The following CDH13 variants were observed in gnomAD, a reference collection of about 807,000 sequenced individuals.
CDH13 encodes cadherin-13.
A neutral mutation model predicts 63.8 loss-of-function variants in CDH13; 24 were observed. That is an observed-to-expected ratio of 0.38 (90% CI 0.27 to 0.53). CDH13 has a LOEUF of 0.53. CDH13 is among the 20% of genes least tolerant of loss of function. CDH13 has a pLI of 0.85. For synonymous variants in CDH13, 503 were observed against 355.3 expected, an observed-to-expected ratio of 1.42 and a Z score of -4.67; for missense variants, 1,049 against 903.1, an observed-to-expected ratio of 1.16 and a Z score of -2.07.
chr16:83,564,559 C>T (rs1391923819), intron 7 of CDH13, among the ~76,000 whole-genome samples: 1 of 152,076 alleles, frequency 6.6e-6, no homozygotes, highest in Non-Finnish European at 1.5e-5. Context: ...CAGGCATCTG[C>T]CACCACACCC....
At chr16:83,060,842 C>T (rs1474703289) in intron 3 of CDH13, among the ~76,000 whole-genome samples, 4 of 152,214 alleles carry the variant, frequency 2.6e-5, no homozygotes, top group African/African-American at 9.6e-5. Context: ...TTGCCTTCCA[C>T]TGCCTTCCAC....
At chr16:83,268,957 T>G (rs1225902529) in intron 5 of CDH13, among the ~76,000 whole-genome samples, 1 of 151,884 alleles carries the variant, frequency 6.6e-6, no homozygotes, top group Non-Finnish European at 1.5e-5. Context: ...ATGGGAGGCT[T>G]GTCAAAGAAG....
At chr16:82,859,591 T>G (rs1341969517) in intron 2 of CDH13, 2 of 150,930 alleles carry the variant, frequency 1.3e-5, no homozygotes, top group African/African-American at 4.9e-5. Context: ...AAGAAGAAAA[T>G]TAAAATAAGC....
intron 4 of CDH13, among the ~76,000 whole-genome samples, chr16:83,205,289 C>T (rs1035922733): frequency 6.6e-6 from 1 of 152,140 alleles, no homozygotes; most frequent in African/African-American, 2.4e-5. Flanking sequence ...CTTACAAATA[C>T]CTAGTTATTC....
At chr16:83,360,412 G>C (rs1347486780) in intron 6 of CDH13, among the ~76,000 whole-genome samples, 1 of 151,922 alleles carries the variant, frequency 6.6e-6, no homozygotes, top group African/African-American at 2.4e-5. Flanking sequence ...TACAATTTTA[G>C]TTGGTTTGAT....
Position 82,836,927 on chromosome 16 carries a change from A to C in CDH13, c.46-21435A>C, listed in dbSNP as rs544315651. On this transcript the variant is annotated intron_variant, in intron 1 of 13. Coordinates refer to ENST00000567109, the MANE Select transcript of CDH13 (RefSeq NM_001257.5). ...TTTAAAGGGATATTTATCACCCTTGAAGAATCTTATTGCCAAATCTTAATA... is the reference window on the plus strand; with the variant it reads ...TTTAAAGGGATATTTATCACCCTTGCAGAATCTTATTGCCAAATCTTAATA... Among the ~76,000 whole-genome samples the C allele has an allele frequency of 7.2e-5, 11 of 152,362 alleles. 1 individual carries two copies. The South Asian group carries it at 2.3e-3, about 32-fold the overall frequency.
At chr16:82,964,811 C>T (rs1343962645) in intron 2 of CDH13, among the ~76,000 whole-genome samples, 2 of 152,340 alleles carry the variant, frequency 1.3e-5, no homozygotes, top group East Asian at 3.9e-4. Flanking sequence ...GAATCCAGTC[C>T]TGTCGAAATG....
intron 2 of CDH13, among the ~76,000 whole-genome samples, chr16:83,023,380 T>A (rs34886182): frequency 0.17 from 26,479 of 151,910 alleles, 2,567 homozygotes; most frequent in East Asian, 0.3. Context: ...TTCCAATAAA[T>A]CTCCATGTAC....
chr16:83,491,879 G>T (rs1273654998), intron 7 of CDH13, among the ~76,000 whole-genome samples: 1 of 152,134 alleles, frequency 6.6e-6, no homozygotes, highest in Admixed American at 6.5e-5. Flanking sequence ...TTTTAGGCCA[G>T]ATGTAAAAAT....
intron 2 of CDH13, among the ~76,000 whole-genome samples, chr16:82,970,382 CTTTTTTTTT>C (rs558393653): frequency 2.6e-5 from 2 of 76,750 alleles, no homozygotes; most frequent in Admixed American, 2.7e-4. Context: ...AGTGCATATT[CTTTTTTTTT>C]TTTTTTTTTT....
At chr16:83,646,552 A>T (rs1301219031) in intron 8 of CDH13, among the ~76,000 whole-genome samples, 1 of 151,980 alleles carries the variant, frequency 6.6e-6, no homozygotes, top group African/African-American at 2.4e-5. Flanking sequence ...AATGTAAAAC[A>T]TTAGCTGGGC....
At chr16:82,924,240 A>T (rs1269085322) in intron 2 of CDH13, among the ~76,000 whole-genome samples, 2 of 152,084 alleles carry the variant, frequency 1.3e-5, no homozygotes, top group African/African-American at 4.8e-5. Flanking sequence ...AAAGGACTCC[A>T]TGTCTATGTG....
At chr16:83,675,279 G>A (rs2150865601) in intron 9 of CDH13, among the ~76,000 whole-genome samples, 1 of 152,258 alleles carries the variant, frequency 6.6e-6, no homozygotes, top group African/African-American at 2.4e-5. Context: ...AGCTCCAGGT[G>A]GTCTGGCCCT....
intron 11 of CDH13, among the ~76,000 whole-genome samples, chr16:83,755,764 A>G (rs1913458538): frequency 6.7e-6 from 1 of 149,378 alleles, no homozygotes; most frequent in Non-Finnish European, 1.5e-5. Flanking sequence ...AAAAAAAAAA[A>G]TGGAATTGTA....
At chr16:82,912,929 C>A (rs566359721) in intron 2 of CDH13, among the ~76,000 whole-genome samples, 1 of 145,814 alleles carries the variant, frequency 6.9e-6, no homozygotes, top group Non-Finnish European at 1.5e-5. Flanking sequence ...GGTGACAGAG[C>A]GAGACTGTGA....
At chr16:83,461,938 G>T (rs754378218) in intron 6 of CDH13, among the ~76,000 whole-genome samples, 2 of 152,252 alleles carry the variant, frequency 1.3e-5, no homozygotes, top group Non-Finnish European at 2.9e-5. Context: ...GTCCCTGGAT[G>T]TGTTTAGGCA....
In CDH13 at chr16:83,486,661, C is replaced by T; in HGVS notation, c.960+6C>T. 1 of 1,612,364 alleles carries T rather than the reference C, an allele frequency of 6.2e-7. No individual in the cohort carries two copies. The highest frequency in any genetic ancestry group is 1.1e-5 in the South Asian group (1 of 90,960). ...CTGCGCTGCTGGACCGAGAGGTGAG[C>T]TGAAAAGAATACACTTTCTTTTTCA... is the stretch of plus-strand genomic sequence containing the variant. On this transcript the variant is annotated splice_donor_region_variant and intron_variant, in intron 7 of 13. Coordinates refer to ENST00000567109, the MANE Select transcript of CDH13 (RefSeq NM_001257.5).
intron 1 of CDH13, among the ~76,000 whole-genome samples, chr16:82,782,195 G>A (rs946090824): frequency 2.0e-5 from 3 of 152,182 alleles, no homozygotes; most frequent in African/African-American, 7.2e-5. Context: ...CTGAAGTAGG[G>A]GCTCAGAAAG....
intron 2 of CDH13, among the ~76,000 whole-genome samples, chr16:82,898,255 T>C (rs1354236115): frequency 1.3e-5 from 2 of 152,222 alleles, no homozygotes; most frequent in Non-Finnish European, 2.9e-5. Flanking sequence ...CCGGGCGTGG[T>C]GGCTCATTCC....
Sources: gnomAD v4.1 joint callset for allele counts (sites outside exome capture counted in the v4.1 genomes callset) on GRCh38, gnomAD v4.1.1 for gene constraint, MANE v1.5 for transcripts, NCBI Gene and HGNC (gene_info 2026-07-23, HGNC 2026-07-21) for gene names.